Variants in SLC8A1 observed in about 807,000 individuals in gnomAD.
SLC8A1 encodes the protein solute carrier family 8 member A1.
Under a neutral mutation model 68.3 loss-of-function variants are expected in SLC8A1, and 18 were observed. The observed-to-expected ratio is 0.26, with a 90% CI of 0.18 to 0.39. The LOEUF (loss-of-function observed/expected upper bound fraction) is 0.39. Ranked by LOEUF, SLC8A1 falls within the 10% of genes least tolerant of loss-of-function variation. The probability of loss-of-function intolerance (pLI) is 1.00; values close to 1 mark genes in which losing one functional copy is unlikely to be tolerated. For missense variants in SLC8A1, 985 were observed against 1,156.7 expected, an observed-to-expected ratio of 0.85 and a Z score of 2.15; for synonymous variants, 475 against 415.5, an observed-to-expected ratio of 1.14 and a Z score of -1.74.
At chr2:40,446,848 G>A (rs1012871210) in intron 1 of SLC8A1, among the ~76,000 whole-genome samples, 1 of 152,126 alleles carries the variant, frequency 6.6e-6, no homozygotes, top group African/African-American at 2.4e-5. Flanking sequence ...CTAGTCCCTG[G>A]CACATAAAAA....
intron 6 of SLC8A1, among the ~76,000 whole-genome samples, chr2:40,152,567 G>A (rs1337123428): frequency 6.6e-6 from 1 of 151,220 alleles, no homozygotes; most frequent in Non-Finnish European, 1.5e-5. Flanking sequence ...ACTACGCCTA[G>A]CTAATTTTTT....
intron 2 of SLC8A1, among the ~76,000 whole-genome samples, chr2:40,181,378 G>A (rs2049524487): frequency 6.6e-6 from 1 of 152,170 alleles, no homozygotes; most frequent in Non-Finnish European, 1.5e-5. Flanking sequence ...CCTAGTCATA[G>A]GATCACAATT....
At chr2:40,344,103 A>C (rs1411225922) in intron 2 of SLC8A1, among the ~76,000 whole-genome samples, 1 of 152,192 alleles carries the variant, frequency 6.6e-6, no homozygotes, top group East Asian at 1.9e-4. Flanking sequence ...TCCAGGGAAA[A>C]TAAGTGAGGC....
chr2:40,197,783 C>G (rs1448712261), intron 2 of SLC8A1, among the ~76,000 whole-genome samples: 1 of 152,034 alleles, frequency 6.6e-6, no homozygotes, highest in Non-Finnish European at 1.5e-5. Context: ...TCTATGGAAC[C>G]AAGAGAGTGG....
At chr2:40,200,224 T>TAA (rs1558722544) in intron 2 of SLC8A1, among the ~76,000 whole-genome samples, 105 of 4,432 alleles carry the variant, frequency 0.024, no homozygotes, top group Admixed American at 0.047. Flanking sequence ...ATATATTTTT[T>TAA]TATATATATA....
At chr2:40,504,768 C>T (rs927873855) in intron 1 of SLC8A1, among the ~76,000 whole-genome samples, 2 of 151,738 alleles carry the variant, frequency 1.3e-5, no homozygotes, top group African/African-American at 2.4e-5. Flanking sequence ...TGATATCTCA[C>T]CCCAGGTAAA....
intron 6 of SLC8A1, among the ~76,000 whole-genome samples, chr2:40,148,135 T>C (rs1212271227): frequency 2.0e-5 from 3 of 152,220 alleles, no homozygotes; most frequent in African/African-American, 4.8e-5. Flanking sequence ...GAAATGTCTC[T>C]CCTCCTTAAA....
intron 2 of SLC8A1, among the ~76,000 whole-genome samples, chr2:40,299,468 T>C (rs537801429): frequency 1.3e-5 from 2 of 152,300 alleles, no homozygotes; most frequent in African/African-American, 2.4e-5. Context: ...ATTATTTGTC[T>C]TGAGTTGAAG....
chr2:40,294,427 G>C (rs985499534), intron 2 of SLC8A1, among the ~76,000 whole-genome samples: 3 of 152,104 alleles, frequency 2.0e-5, no homozygotes, highest in Non-Finnish European at 4.4e-5. Flanking sequence ...GAGGTATTTA[G>C]TGGCTAAGCT....
chr2:40,385,591 G>C (rs1172528503), intron 2 of SLC8A1, among the ~76,000 whole-genome samples: 1 of 151,126 alleles, frequency 6.6e-6, no homozygotes, highest in African/African-American at 2.5e-5. Flanking sequence ...TGTACCATGA[G>C]GAGCAACATA....
At chr2:40,497,551 T>C (rs1027923321) in intron 1 of SLC8A1, among the ~76,000 whole-genome samples, 15 of 152,014 alleles carry the variant, frequency 9.9e-5, no homozygotes, top group African/African-American at 2.7e-4. Context: ...TCTTTAAAGC[T>C]CTATTGAGGG....
intron 2 of SLC8A1, among the ~76,000 whole-genome samples, chr2:40,410,339 C>T (rs1027618155): frequency 9.2e-5 from 14 of 152,068 alleles, no homozygotes; most frequent in African/African-American, 2.2e-4. Context: ...TAACATCCAG[C>T]GCTAGGGATC....
At chr2:40,205,605 C>A (rs1302436618) in intron 2 of SLC8A1, among the ~76,000 whole-genome samples, 1 of 151,932 alleles carries the variant, frequency 6.6e-6, no homozygotes, top group Non-Finnish European at 1.5e-5. Context: ...GATGAGAACA[C>A]ATGGACACAC....
chr2:40,353,778 A>C (rs11690171), intron 2 of SLC8A1, among the ~76,000 whole-genome samples: 70,545 of 151,982 alleles, frequency 0.46, 17,278 homozygotes, highest in Admixed American at 0.58. Flanking sequence ...TTCCCAATCC[A>C]TCCACAATGG....
chr2:40,193,397 A>G (rs1422614276), intron 2 of SLC8A1, among the ~76,000 whole-genome samples: 1 of 152,126 alleles, frequency 6.6e-6, no homozygotes, highest in Non-Finnish European at 1.5e-5. Context: ...CAGCTTAGAG[A>G]AGGGATAGGC....
chr2:40,117,343 G>A (rs1286035970), intron 7 of SLC8A1, among the ~76,000 whole-genome samples: 1 of 134,718 alleles, frequency 7.4e-6, no homozygotes, highest in East Asian at 2.4e-4. Context: ...TTAGGAGTTC[G>A]AGACCAGTTT....
intron 1 of SLC8A1, among the ~76,000 whole-genome samples, chr2:40,478,671 C>A (rs772159213): frequency 2.6e-5 from 4 of 151,820 alleles, no homozygotes; most frequent in Non-Finnish European, 5.9e-5. Flanking sequence ...TCTCATAGAC[C>A]TAAGTTTTTA....
chr2:40,319,619 A>T (rs1302770718), intron 2 of SLC8A1, among the ~76,000 whole-genome samples: 1 of 152,102 alleles, frequency 6.6e-6, no homozygotes, highest in Non-Finnish European at 1.5e-5. Flanking sequence ...CATATATTAT[A>T]TATGAGCAGT....
At chr2:40,411,185 G>C (rs1692027001) in intron 2 of SLC8A1, among the ~76,000 whole-genome samples, 1 of 151,970 alleles carries the variant, frequency 6.6e-6, no homozygotes, top group Admixed American at 6.6e-5. Flanking sequence ...ATTTTAAGAA[G>C]AGTTTTGAAC....
Sources: gnomAD v4.1 joint callset for allele counts (sites outside exome capture counted in the v4.1 genomes callset) on GRCh38, gnomAD v4.1.1 for gene constraint, MANE v1.5 for transcripts, NCBI Gene and HGNC (gene_info 2026-07-23, HGNC 2026-07-21) for gene names.